The following ZNF560 variants were observed in gnomAD, a reference collection of about 807,000 sequenced individuals.
ZNF560 encodes the protein zinc finger protein 560.
Under a neutral mutation model 81.8 loss-of-function variants are expected in ZNF560, and 54 were observed. The observed-to-expected ratio is 0.66, with a 90% CI of 0.53 to 0.83. ZNF560 has a LOEUF of 0.83. ZNF560 is among the 40% of genes least tolerant of loss of function. The pLI, the probability that ZNF560 is intolerant of heterozygous loss-of-function variation, is 0.00. For synonymous variants in ZNF560, 321 were observed against 317.9 expected, an observed-to-expected ratio of 1.01 and a Z score of -0.10; for missense variants, 940 against 932.4, an observed-to-expected ratio of 1.01 and a Z score of -0.11.
rs183969340 is a variant in ZNF560, at chr19:9,471,306, C to T, written c.311G>A (p.Gly104Glu). Reference sequence around the variant, plus strand: ...CTTTCTTAACATTACCATTTGTATCCCATTAGAAGTTTGTATTTTCCAAAA... The same window carrying T: ...CTTTCTTAACATTACCATTTGTATCTCATTAGAAGTTTGTATTTTCCAAAA... ...QEFWKIQTSNGIQMDLVTFDS... is the reference protein window; with the variant it reads ...QEFWKIQTSNEIQMDLVTFDS... The change falls in exon 6 of 10, where the codon GGG becomes GAG. Residue 104 changes from glycine to glutamate, a missense_variant. By Grantham distance (98) the Gly-to-Glu change is moderately conservative. Transcript: ENST00000301480. 121 of 1,592,772 alleles carry T rather than the reference C, an allele frequency of 7.6e-5. 1 individual carries two copies. In the East Asian group the frequency reaches 2.1e-3, roughly 28 times the overall value.
chr19:9,458,277 AT>A, the ZNF560 span, among the ~76,000 whole-genome samples: 87,330 of 152,028 alleles, frequency 0.57, 25,890 homozygotes, highest in African/African-American at 0.71. Flanking sequence ...AACTGTTTCA[AT>A]TTTTTGAAAT....
At chr19:9,493,419 C>T (rs1236168794) in intron 2 of ZNF560, among the ~76,000 whole-genome samples, 1 of 152,222 alleles carries the variant, frequency 6.6e-6, no homozygotes, top group African/African-American at 2.4e-5. Context: ...GGCAGGAGTG[C>T]AGTTGTGCCA....
chr19:9,477,818 G>C (rs542057796), intron 2 of ZNF560, among the ~76,000 whole-genome samples: 11 of 151,840 alleles, frequency 7.2e-5, no homozygotes, highest in African/African-American at 2.4e-4. Flanking sequence ...AGAAGGAAAA[G>C]AAAAAAATCT....
chr19:9,456,781 C>T, the ZNF560 span, among the ~76,000 whole-genome samples: 1 of 152,162 alleles, frequency 6.6e-6, no homozygotes, highest in Non-Finnish European at 1.5e-5. Flanking sequence ...AACTTCTATA[C>T]CTATAAATTT....
At chr19:9,474,712 G>T (rs1453906337) in intron 3 of ZNF560, among the ~76,000 whole-genome samples, 1 of 151,878 alleles carries the variant, frequency 6.6e-6, no homozygotes, top group African/African-American at 2.4e-5. Context: ...AGGCTGGACT[G>T]CAGTGGTGTG....
rs755092448 is a variant in ZNF560 at position 9,467,810 on chromosome 19, CT to C, written c.1136del (p.Lys379SerfsTer45). Reference protein sequence around the residue: ...THIGIKPYKCKHCGKTFTVPS... With the variant: ...THIGIKPYKCXHCGKTFTVPS... ...GCACAGTGAAGGTTTTGCCACAGTG[CT>C]TACATTTATAAGGTTTTATCCCAAT... On this transcript the variant is annotated frameshift_variant, in exon 10 of 10. Transcript: ENST00000301480. LOFTEE classifies it high-confidence loss of function. 1 of 1,614,150 alleles carries C rather than the reference CT, an allele frequency of 6.2e-7. No individual in the cohort carries two copies. The highest frequency in any genetic ancestry group is 1.1e-5 in the South Asian group (1 of 91,084).
intron 2 of ZNF560, among the ~76,000 whole-genome samples, chr19:9,478,630 T>C (rs923707238): frequency 7.9e-5 from 12 of 152,112 alleles, no homozygotes; most frequent in African/African-American, 2.7e-4. Context: ...TAAATTACAA[T>C]ATCAGAAAAA....
At chr19:9,447,759 A>G in the ZNF560 span, among the ~76,000 whole-genome samples, 34 of 152,290 alleles carry the variant, frequency 2.2e-4, no homozygotes, top group African/African-American at 3.6e-4. Context: ...CAGGGAGAGA[A>G]AGAGAAAAAG....
the ZNF560 span, among the ~76,000 whole-genome samples, chr19:9,454,575 T>C: frequency 3.9e-5 from 6 of 152,172 alleles, no homozygotes; most frequent in South Asian, 4.1e-4. Flanking sequence ...ACAAGGCTTA[T>C]TTGAGTCTGC....
downstream of ZNF560, among the ~76,000 whole-genome samples, chr19:9,465,338 C>T: frequency 6.6e-6 from 1 of 152,140 alleles, no homozygotes; most frequent in Non-Finnish European, 1.5e-5. Flanking sequence ...ACCATGTTGG[C>T]CTGGATGGCC....
At chr19:9,474,058 C>T (rs556147800) in intron 4 of ZNF560, 141 bp downstream of exon 4, 38 of 929,042 alleles carry the variant, frequency 4.1e-5, no homozygotes, top group Middle Eastern at 6.6e-4. Flanking sequence ...ACTTTGAAAA[C>T]GACCACAGTA....
At chr19:9,495,615 G>T (rs1303451089) in intron 2 of ZNF560, among the ~76,000 whole-genome samples, 2 of 152,182 alleles carry the variant, frequency 1.3e-5, no homozygotes, top group Admixed American at 1.3e-4. Context: ...GCTGAGGCAT[G>T]AGAATCACTT....
At chr19:9,502,458 G>A (rs1369568003), upstream of ZNF560, among the ~76,000 whole-genome samples, 2 of 151,914 alleles carry the variant, frequency 1.3e-5, no homozygotes, top group Non-Finnish European at 2.9e-5. Context: ...GATTCACCTG[G>A]CTCAGCCTCC....
In ZNF560 at chr19:9,469,389, G is replaced by C. The variant is rs555013839; in HGVS notation, c.530-202C>G. On this transcript the variant is annotated intron_variant, in intron 8 of 9. Coordinates refer to ENST00000301480, the MANE Select transcript of ZNF560 (RefSeq NM_152476.3). ...AAGCAATACTACCAGGGAAGGAAAA[G>C]TCGGAAAAATTGGAACAAAAGCATA... Among the ~76,000 whole-genome samples the C allele has an allele frequency of 2.0e-5, 3 of 152,256 alleles. No homozygotes were observed. The East Asian group carries it at 5.8e-4, about 29-fold the overall frequency.
rs749155474 is a variant in ZNF560, at chr19:9,466,947, C to T, written c.2000G>A (p.Arg667Lys). 1.2e-6 allele frequency: 2 copies of T among 1,614,034 alleles called. No homozygotes were observed. Among genetic ancestry groups the T allele is most frequent in the South Asian group, 2.2e-5 (2 of 91,084 alleles). ...KCNACEKAYS[R>K]SCVLTQHLKT... is the part of the protein sequence containing the mutation. ...TAAGTGTTGAGTTAGTACACAAGAC[C>T]TACTGTAAGCTTTTTCACATGCATT... Residue 667 changes from arginine to lysine, a missense_variant, in exon 10 of 10, where the codon AGG becomes AAG. Coordinates refer to ENST00000301480, the MANE Select transcript of ZNF560 (RefSeq NM_152476.3).
downstream of ZNF560, among the ~76,000 whole-genome samples, chr19:9,462,185 G>T (rs886737389): frequency 1.3e-5 from 2 of 152,328 alleles, no homozygotes; most frequent in South Asian, 4.1e-4. Context: ...CAAGATCTCT[G>T]CAGCACTGTG....
In ZNF560 at chr19:9,467,184, G is replaced by T; in HGVS notation, c.1763C>A (p.Thr588Asn). 1.2e-6 allele frequency: 2 copies of T among 1,613,852 alleles called. No homozygotes were observed. The highest frequency in any genetic ancestry group is 1.7e-6 in the Non-Finnish European group (2 of 1,179,944). ...TCCACTGTGTCTTCGTAAATGTTTA[G>T]TAAGGTATGAGCGCTCAGTGAAGGC... ...GKAFTERSYL[T>N]KHLRRHSGEK... The change falls in exon 10 of 10, where the codon ACT (threonine) becomes AAT (asparagine). Residue 588 changes from threonine to asparagine, a missense_variant. By Grantham distance (65) the Thr-to-Asn change is moderately conservative. Coordinates refer to ENST00000301480, the MANE Select transcript of ZNF560 (RefSeq NM_152476.3).
chr19:9,480,420 G>C (rs965457611), intron 2 of ZNF560, among the ~76,000 whole-genome samples: 4 of 152,028 alleles, frequency 2.6e-5, no homozygotes, highest in Non-Finnish European at 4.4e-5. Context: ...GCAGTTAATA[G>C]CAATAAATGC....
intron 3 of ZNF560, 124 bp downstream of exon 3, chr19:9,475,160 C>G: frequency 1.0e-6 from 1 of 956,442 alleles, no homozygotes; most frequent in South Asian, 1.5e-5. Context: ...CAACAAGTGA[C>G]TCAGTGCTTG....
Sources: gnomAD v4.1 joint callset for allele counts (sites outside exome capture counted in the v4.1 genomes callset) on GRCh38, gnomAD v4.1.1 for gene constraint, MANE v1.5 for transcripts, NCBI Gene and HGNC (gene_info 2026-07-23, HGNC 2026-07-21) for gene names.